PTPRD: variants seen among roughly 807,000 people sequenced by gnomAD.
PTPRD encodes receptor-type tyrosine-protein phosphatase delta.
A neutral mutation model predicts 214.5 loss-of-function variants in PTPRD; 34 were observed. The ratio of observed to expected loss-of-function variants is 0.16; its 90% CI spans 0.12 to 0.21. PTPRD has a LOEUF of 0.21. Among genes scored for constraint, PTPRD ranks in the 10% least tolerant of loss-of-function variants. The probability of loss-of-function intolerance (pLI) is 1.00; values close to 1 mark genes in which losing one functional copy is unlikely to be tolerated. For missense variants in PTPRD, 2,545 were observed against 2,398.7 expected, an observed-to-expected ratio of 1.06 and a Z score of -1.27; for synonymous variants, 1,128 against 845.7, an observed-to-expected ratio of 1.33 and a Z score of -5.79.
intron 11 of PTPRD, among the ~76,000 whole-genome samples, chr9:8,989,688 C>T (rs1320396015): frequency 6.6e-6 from 1 of 151,964 alleles, no homozygotes; most frequent in Non-Finnish European, 1.5e-5. Flanking sequence ...TTTGGAAAGG[C>T]ATGACCAATA....
chr9:8,449,052 TAAA>T (rs1465956317), intron 34 of PTPRD, among the ~76,000 whole-genome samples: 2 of 152,220 alleles, frequency 1.3e-5, no homozygotes, highest in African/African-American at 4.8e-5. Flanking sequence ...TAGGCATGAA[TAAA>T]CAATATTGTG....
At chr9:9,885,200 T>A (rs1480585944) in intron 5 of PTPRD, among the ~76,000 whole-genome samples, 1 of 151,816 alleles carries the variant, frequency 6.6e-6, no homozygotes, top group Non-Finnish European at 1.5e-5. Flanking sequence ...AAAAAGAAAT[T>A]AAAGAAGTAT....
intron 2 of PTPRD, among the ~76,000 whole-genome samples, chr9:10,375,772 C>T (rs922010258): frequency 6.6e-6 from 1 of 151,852 alleles, no homozygotes; most frequent in East Asian, 1.9e-4. Context: ...AGATTTTTTA[C>T]CAAGTGACTC....
At chr9:9,012,258 C>T (rs947739162) in intron 11 of PTPRD, among the ~76,000 whole-genome samples, 1 of 152,128 alleles carries the variant, frequency 6.6e-6, no homozygotes. Flanking sequence ...AGATGAGAAC[C>T]AAGCCCTGGC....
intron 14 of PTPRD, among the ~76,000 whole-genome samples, chr9:8,542,196 G>C (rs1426029776): frequency 6.6e-6 from 1 of 152,216 alleles, no homozygotes; most frequent in Non-Finnish European, 1.5e-5. Context: ...AAATACAAGT[G>C]TGTGGGCACT....
chr9:8,491,503 T>C (rs2097148799), intron 27 of PTPRD, among the ~76,000 whole-genome samples: 1 of 152,120 alleles, frequency 6.6e-6, no homozygotes, highest in African/African-American at 2.4e-5. Flanking sequence ...TGTAGGTAAA[T>C]AAAATGTATT....
At chr9:10,114,249 A>G (rs2154239047) in intron 3 of PTPRD, among the ~76,000 whole-genome samples, 1 of 152,290 alleles carries the variant, frequency 6.6e-6, no homozygotes, top group African/African-American at 2.4e-5. Context: ...ATAAAATGAG[A>G]TAAGACATGA....
intron 13 of PTPRD, among the ~76,000 whole-genome samples, chr9:8,634,292 T>C (rs2096356804): frequency 6.6e-6 from 1 of 151,786 alleles, no homozygotes. Flanking sequence ...TATTATGGAG[T>C]CCTCTGTCTT....
At chr9:10,503,289 A>G (rs1335286753) in intron 2 of PTPRD, among the ~76,000 whole-genome samples, 1 of 150,064 alleles carries the variant, frequency 6.7e-6, no homozygotes, top group East Asian at 2.0e-4. Context: ...CTTTGTCGTG[A>G]TCATCAATAT....
intron 14 of PTPRD, among the ~76,000 whole-genome samples, chr9:8,626,831 C>A (rs12115364): frequency 0.26 from 39,470 of 151,328 alleles, 5,496 homozygotes; most frequent in African/African-American, 0.36. Flanking sequence ...CCTCCAGCTG[C>A]CAACTTTGGC....
At chr9:10,276,487 T>C (rs2094698205) in intron 3 of PTPRD, among the ~76,000 whole-genome samples, 1 of 152,212 alleles carries the variant, frequency 6.6e-6, no homozygotes, top group Non-Finnish European at 1.5e-5. Context: ...GACAAAGCCA[T>C]TAAAATTATT....
intron 9 of PTPRD, among the ~76,000 whole-genome samples, chr9:9,206,487 T>G (rs1461296808): frequency 1.3e-5 from 2 of 152,114 alleles, no homozygotes; most frequent in Non-Finnish European, 2.9e-5. Flanking sequence ...ATGCAAAGTA[T>G]TGTTCTTGAG....
chr9:10,551,833 AC>A (rs1452673492), intron 2 of PTPRD, among the ~76,000 whole-genome samples: 1 of 152,146 alleles, frequency 6.6e-6, no homozygotes, highest in Non-Finnish European at 1.5e-5. Context: ...CAGAAAAAAA[AC>A]TAGTGAAAAA....
chr9:8,511,823 C>G (rs2097688463), intron 21 of PTPRD, among the ~76,000 whole-genome samples: 1 of 152,032 alleles, frequency 6.6e-6, no homozygotes, highest in African/African-American at 2.4e-5. Context: ...TATCGAGTCC[C>G]TAAAATGAGA....
chr9:10,152,818 C>T (rs1260113001), intron 3 of PTPRD, among the ~76,000 whole-genome samples: 2 of 151,960 alleles, frequency 1.3e-5, no homozygotes, highest in Non-Finnish European at 2.9e-5. Flanking sequence ...AGAGTGAACT[C>T]CCCCCCTACC....
chr9:9,883,112 G>A (rs568826125), intron 5 of PTPRD, among the ~76,000 whole-genome samples: 1 of 152,074 alleles, frequency 6.6e-6, no homozygotes, highest in Non-Finnish European at 1.5e-5. Flanking sequence ...AAATTACCCA[G>A]TCTTAGGTAT....
chr9:9,597,164 G>A lies in PTPRD; in HGVS notation c.-286-22383C>T, dbSNP rs1458716230. Among the ~76,000 whole-genome samples, 5 of 152,050 alleles carry A rather than the reference G, an allele frequency of 3.3e-5. No homozygotes were observed. In the East Asian group the frequency reaches 5.8e-4, roughly 18 times the overall value. ...AACACTGTGGAAGCAGGCTGAGGGTGGGGGGAATAAAAATCATCCTTAAAA... is the reference window on the plus strand; with the variant it reads ...AACACTGTGGAAGCAGGCTGAGGGTAGGGGGAATAAAAATCATCCTTAAAA... On this transcript the variant is annotated intron_variant, in intron 7 of 45. Transcript: ENST00000381196.
intron 2 of PTPRD, among the ~76,000 whole-genome samples, chr9:10,354,670 A>G (rs762702969): frequency 7.9e-5 from 12 of 152,172 alleles, no homozygotes; most frequent in Non-Finnish European, 7.3e-5. Flanking sequence ...TATCTGTCAT[A>G]TTACTAGAAG....
intron 4 of PTPRD, among the ~76,000 whole-genome samples, chr9:9,957,350 C>G (rs903182170): frequency 2.6e-5 from 4 of 151,872 alleles, no homozygotes; most frequent in African/African-American, 9.7e-5. Flanking sequence ...TGATACAAAG[C>G]TTAACAAGAA....
Sources: gnomAD v4.1 joint callset for allele counts (sites outside exome capture counted in the v4.1 genomes callset) on GRCh38, gnomAD v4.1.1 for gene constraint, MANE v1.5 for transcripts, NCBI Gene and HGNC (gene_info 2026-07-23, HGNC 2026-07-21) for gene names.